The following ARHGAP10 variants were observed in gnomAD, a reference collection of about 807,000 sequenced individuals.
ARHGAP10 encodes Rho GTPase activating protein 10, also known as rho GTPase-activating protein 10.
ARHGAP10 carries 87 observed loss-of-function variants against 108.6 expected under a neutral mutation model. That is an observed-to-expected ratio of 0.80 (90% CI 0.67 to 0.96). ARHGAP10 has a LOEUF of 0.96. Among genes scored for constraint, ARHGAP10 ranks in the 40% least tolerant of loss-of-function variants. The pLI is 0.00. For missense variants in ARHGAP10, 939 were observed against 954.5 expected (o/e 0.98, Z 0.21); for synonymous variants, 347 against 341.1 (o/e 1.02, Z -0.19).
intron 18 of ARHGAP10, among the ~76,000 whole-genome samples, chr4:148,000,707 T>G (rs150569852): frequency 0.019 from 2,820 of 152,356 alleles, 95 homozygotes; most frequent in African/African-American, 0.064. Flanking sequence ...ATGTGTCTGT[T>G]GGCTGCATAA....
chr4:147,743,568 G>A (rs1266597102), intron 1 of ARHGAP10, among the ~76,000 whole-genome samples: 1 of 152,104 alleles, frequency 6.6e-6, no homozygotes, highest in Middle Eastern at 3.4e-3. Flanking sequence ...ACCTGAGGTC[G>A]GGAGTTGGAG....
chr4:147,860,367 A>T (rs779456604), intron 5 of ARHGAP10, among the ~76,000 whole-genome samples: 8 of 152,154 alleles, frequency 5.3e-5, no homozygotes, highest in Non-Finnish European at 1.2e-4. Context: ...GCGTGAACCC[A>T]GGAGGTGGAG....
At chr4:147,822,599 G>A in intron 1 of ARHGAP10, 128 bp from the exon 2 acceptor site, 1 of 901,644 alleles carries the variant, frequency 1.1e-6, no homozygotes, top group Non-Finnish European at 1.7e-6. Flanking sequence ...CAAGGGAGTT[G>A]GGTCATGCCT....
In ARHGAP10 at chr4:147,879,103, G is replaced by A. The variant is rs184568841; in HGVS notation, c.833-129G>A. ...TCTTCTTAGAACTAGCAGTATTGCT[G>A]ATTTGTTTCATTGATTCAGCTGTAT... is the stretch of plus-strand genomic sequence containing the variant. On this transcript the variant is annotated intron_variant, in intron 8 of 22. Transcript: ENST00000336498. 2.8e-5 allele frequency: 19 copies of A among 674,962 alleles called. No individual in the cohort carries two copies. In the East Asian group the frequency reaches 5.5e-4, roughly 20 times the overall value. The allele number at this position is 674,962 out of a possible 1,614,324, so 41.8% of individuals were successfully genotyped here.
chr4:147,924,917 T>C (rs913610676), intron 13 of ARHGAP10, among the ~76,000 whole-genome samples: 3 of 152,148 alleles, frequency 2.0e-5, no homozygotes, highest in African/African-American at 7.2e-5. Flanking sequence ...AGGCCAATTA[T>C]AATTAAGTAG....
chr4:147,810,570 A>G (rs951275149), intron 1 of ARHGAP10, among the ~76,000 whole-genome samples: 1 of 152,224 alleles, frequency 6.6e-6, no homozygotes, highest in African/African-American at 2.4e-5. Context: ...GTGGTGGTGC[A>G]GAGTTGCCAG....
In ARHGAP10 at chr4:147,860,435, A is replaced by AAAAACAAAACAAAAC. The variant is rs112437404; in HGVS notation, c.486+2801_486+2815dup. On this transcript the variant is annotated intron_variant, in intron 5 of 22. Transcript: ENST00000336498. ...CCAGCCTGGGCGACAGCTCCGTCTC[A>AAAAACAAAACAAAAC]AAAACAAAACAAAACAAAACAAAAC... is the stretch of plus-strand genomic sequence containing the variant. Among the ~76,000 whole-genome samples the AAAAACAAAACAAAAC allele has an allele frequency of 2.3e-4, 35 of 151,912 alleles. 1 individual carries two copies. Among genetic ancestry groups the AAAAACAAAACAAAAC allele is most frequent in the African/African-American group, 7.7e-4 (32 of 41,344 alleles).
At chr4:147,939,756 T>C in intron 13 of ARHGAP10, 69 bp from the exon 14 acceptor site, 1 of 1,340,358 alleles carries the variant, frequency 7.5e-7, no homozygotes, top group East Asian at 2.3e-5. Context: ...AGATTTTGAA[T>C]GCAACTGTTT....
intron 18 of ARHGAP10, among the ~76,000 whole-genome samples, chr4:148,004,619 T>G (rs1023358825): frequency 6.6e-6 from 1 of 152,094 alleles, no homozygotes; most frequent in Non-Finnish European, 1.5e-5. Context: ...GCAGGCATCC[T>G]CTAGGAGCTG....
At chr4:147,776,243 G>T (rs1467089466) in intron 1 of ARHGAP10, among the ~76,000 whole-genome samples, 1 of 152,054 alleles carries the variant, frequency 6.6e-6, no homozygotes, top group Admixed American at 6.6e-5. Context: ...ATTCTAAGAC[G>T]GAGTCTTGCT....
intron 1 of ARHGAP10, among the ~76,000 whole-genome samples, chr4:147,759,904 A>G (rs1729525714): frequency 6.6e-6 from 1 of 152,038 alleles, no homozygotes; most frequent in Non-Finnish European, 1.5e-5. Flanking sequence ...GCCTGCCACC[A>G]TGCCTGGCTA....
intron 18 of ARHGAP10, among the ~76,000 whole-genome samples, chr4:148,006,043 G>A (rs1186826945): frequency 1.3e-5 from 2 of 152,156 alleles, no homozygotes; most frequent in Non-Finnish European, 1.5e-5. Context: ...AGTAGAACTC[G>A]AGACTGTTTT....
chr4:147,733,658 A>G (rs775222008), intron 1 of ARHGAP10, among the ~76,000 whole-genome samples: 8 of 152,150 alleles, frequency 5.3e-5, no homozygotes, highest in Non-Finnish European at 8.8e-5. Flanking sequence ...ATTAAAACAT[A>G]TTGATTATAC....
chr4:147,732,217 G>C lies in ARHGAP10; in HGVS notation c.-85G>C. 1 of 1,360,278 alleles carries C rather than the reference G, an allele frequency of 7.4e-7. No homozygotes were observed. Among genetic ancestry groups the C allele is most frequent in the Non-Finnish European group, 9.5e-7 (1 of 1,050,008 alleles). 84.3% of individuals were successfully genotyped at this position (1,360,278 alleles called of 1,614,324 possible). A position where few individuals can be genotyped will look rare whatever the true frequency, so the allele number is the denominator to read the frequency against. ...TAGCTCCTCTGTGCTCCCTGAACGCGCGGCGCCGCACCTGGCAGCGGCCTC... is the reference window on the plus strand; with the variant it reads ...TAGCTCCTCTGTGCTCCCTGAACGCCCGGCGCCGCACCTGGCAGCGGCCTC... On this transcript the variant is annotated 5_prime_UTR_variant, in exon 1 of 23. Transcript: ENST00000336498.
chr4:147,805,892 T>G (rs544860753), intron 1 of ARHGAP10, among the ~76,000 whole-genome samples: 4 of 152,306 alleles, frequency 2.6e-5, no homozygotes, highest in Admixed American at 2.0e-4. Context: ...TATGAAACTT[T>G]ATGCTAACAC....
chr4:147,992,221 T>G (rs954281117), intron 18 of ARHGAP10, among the ~76,000 whole-genome samples: 4 of 152,124 alleles, frequency 2.6e-5, no homozygotes, highest in African/African-American at 9.7e-5. Flanking sequence ...CTAAGCCTGA[T>G]TGCATGCTGT....
intron 13 of ARHGAP10, among the ~76,000 whole-genome samples, chr4:147,919,434 T>C (rs1737137883): frequency 1.3e-5 from 2 of 152,212 alleles, no homozygotes; most frequent in African/African-American, 4.8e-5. Flanking sequence ...GTTTACCAAA[T>C]ATTTGCTAAT....
chr4:147,866,383 T>TA (rs1734561744), intron 6 of ARHGAP10: 1 of 206,252 alleles, frequency 4.8e-6, no homozygotes, highest in African/African-American at 2.3e-5. Flanking sequence ...TGTCAACCTA[T>TA]AGTGATAAGA....
intron 1 of ARHGAP10, among the ~76,000 whole-genome samples, chr4:147,798,724 A>ACTCT (rs1178256407): frequency 1.3e-4 from 11 of 86,006 alleles, no homozygotes; most frequent in African/African-American, 7.6e-4. Context: ...AGTTTGAGAC[A>ACTCT]CTCTCTCTCT....
Sources: gnomAD v4.1 joint callset for allele counts (sites outside exome capture counted in the v4.1 genomes callset) on GRCh38, gnomAD v4.1.1 for gene constraint, MANE v1.5 for transcripts, NCBI Gene and HGNC (gene_info 2026-07-23, HGNC 2026-07-21) for gene names.